Variants in TSNARE1 observed in about 807,000 individuals in gnomAD.
TSNARE1 encodes t-SNARE domain containing 1, also known as t-SNARE domain-containing protein 1.
In TSNARE1, 49 loss-of-function variants were observed where a neutral mutation model predicts 62.0. The ratio of observed to expected loss-of-function variants is 0.79; its 90% CI spans 0.63 to 1.00. TSNARE1 has a LOEUF of 1.00. Among genes scored for constraint, TSNARE1 ranks in the 50% least tolerant of loss-of-function variants. TSNARE1 has a pLI of 0.00. For synonymous variants in TSNARE1, 328 were observed against 294.4 expected (o/e 1.11, Z -1.17); for missense variants, 755 against 700.1 (o/e 1.08, Z -0.88).
chr8:142,373,050 C>G (rs1587060610), intron 1 of TSNARE1, among the ~76,000 whole-genome samples: 1 of 152,214 alleles, frequency 6.6e-6, no homozygotes, highest in Non-Finnish European at 1.5e-5. Context: ...TCCTAGGCCT[C>G]CCCCGTCACC....
In TSNARE1 at chr8:142,400,727, G is replaced by C. The variant is rs192972005; in HGVS notation, c.-40+2377C>G. ...TGTTCTTATGGCCAAACACCACTCA[G>C]AGGGATAAAACGCCCAACAACCTCG... is the stretch of plus-strand genomic sequence containing the variant. On this transcript the variant is annotated intron_variant, in intron 1 of 13. Transcript: ENST00000524325. Among the ~76,000 whole-genome samples, 24 of 152,328 alleles carry C rather than the reference G, an allele frequency of 1.6e-4. 1 individual carries two copies. Among genetic ancestry groups the C allele is most frequent in the Admixed American group, 1.2e-3 (19 of 15,296 alleles).
intron 6 of TSNARE1, among the ~76,000 whole-genome samples, chr8:142,323,704 A>G (rs182797962): frequency 6.6e-6 from 1 of 152,352 alleles, no homozygotes; most frequent in East Asian, 1.9e-4. Context: ...ACACTGTCAG[A>G]GCCAGGGAGT....
In TSNARE1 at chr8:142,279,603, G is replaced by A. The variant is rs939340190; in HGVS notation, c.1364-4740C>T. ...GATGGCACAATGCTTGGCAATGCAG[G>A]GAGGACCCTGAGCTGGAACCGCAGC... On this transcript the variant is annotated intron_variant, in intron 11 of 13. Coordinates refer to ENST00000524325, the MANE Select transcript of TSNARE1 (RefSeq NM_145003.5). Among the ~76,000 whole-genome samples the A allele has an allele frequency of 7.9e-5, 12 of 152,200 alleles. No homozygotes were observed. In the South Asian group the frequency reaches 8.3e-4, roughly 11 times the overall value.
In TSNARE1 at chr8:142,306,790, C is replaced by T. The variant is rs1016258830; in HGVS notation, c.1132-6146G>A. On this transcript the variant is annotated intron_variant, in intron 9 of 13. Transcript: ENST00000524325. ...AACCTTCCATGATTTCTCAGAAGCACTACTGGCCACTCCCCACCTTTTTAA... is the reference window on the plus strand; with the variant it reads ...AACCTTCCATGATTTCTCAGAAGCATTACTGGCCACTCCCCACCTTTTTAA... Among the ~76,000 whole-genome samples the T allele has an allele frequency of 7.9e-5, 12 of 152,350 alleles. No homozygotes were observed. In the South Asian group the frequency reaches 1.4e-3, roughly 18 times the overall value.
intron 1 of TSNARE1, among the ~76,000 whole-genome samples, chr8:142,401,632 G>A (rs1329021476): frequency 1.3e-5 from 2 of 152,166 alleles, no homozygotes; most frequent in Admixed American, 1.3e-4. Flanking sequence ...AGTGTCCAGG[G>A]AAGGTTCCTG....
At chr8:142,341,002 C>T (rs1020730471) in intron 4 of TSNARE1, among the ~76,000 whole-genome samples, 4 of 152,208 alleles carry the variant, frequency 2.6e-5, no homozygotes, top group East Asian at 1.9e-4. Flanking sequence ...AAGTCAAAGA[C>T]GAGGTATGCA....
At chr8:142,333,027 A>C (rs1313396168) in intron 4 of TSNARE1, among the ~76,000 whole-genome samples, 1 of 152,224 alleles carries the variant, frequency 6.6e-6, no homozygotes, top group Non-Finnish European at 1.5e-5. Flanking sequence ...TTCAGAAACC[A>C]GAGCGAACGG....
Position 142,331,803 on chromosome 8 carries a change from C to CTG in TSNARE1, c.772_773dup (p.Gln258HisfsTer19). 6.2e-7 allele frequency: 1 copy of CTG among 1,608,982 alleles called. No homozygotes were observed. ...TGGCCGACATCTCCTGGAACAGCTC[C>CTG]TGGAGGTTGCACGGATCGACCTGGG... On this transcript the variant is annotated frameshift_variant, in exon 5 of 14. Transcript: ENST00000524325. LOFTEE classifies it high-confidence loss of function.
At chr8:142,213,341 G>A (rs1298610496) in intron 13 of TSNARE1, among the ~76,000 whole-genome samples, 1 of 147,296 alleles carries the variant, frequency 6.8e-6, no homozygotes, top group Non-Finnish European at 1.5e-5. Flanking sequence ...TGGGGAGCAG[G>A]CCACTTGCTC....
At chr8:142,235,982 G>C (rs932970463) in intron 12 of TSNARE1, among the ~76,000 whole-genome samples, 2 of 152,154 alleles carry the variant, frequency 1.3e-5, no homozygotes, top group Non-Finnish European at 2.9e-5. Context: ...AAGTCCCCCA[G>C]GGGAGACGGG....
chr8:142,292,693 A>C (rs1309516240), intron 10 of TSNARE1, among the ~76,000 whole-genome samples: 6 of 152,124 alleles, frequency 3.9e-5, no homozygotes, highest in African/African-American at 1.4e-4. Flanking sequence ...ACATGAAACA[A>C]ATCACAGGAA....
chr8:142,309,978 A>G (rs1364351522), intron 9 of TSNARE1, among the ~76,000 whole-genome samples: 2 of 152,014 alleles, frequency 1.3e-5, no homozygotes, highest in Non-Finnish European at 2.9e-5. Flanking sequence ...TCTAAAAAAA[A>G]AGTCTCCTCT....
At chr8:142,276,188 AG>A in intron 11 of TSNARE1, 1 of 985,464 alleles carries the variant, frequency 1.0e-6, no homozygotes. Flanking sequence ...AAGGAGCCAA[AG>A]CCCAGAGAGC....
chr8:142,382,731 G>A (rs1836857638), intron 1 of TSNARE1, among the ~76,000 whole-genome samples: 1 of 152,242 alleles, frequency 6.6e-6, no homozygotes, highest in Non-Finnish European at 1.5e-5. Context: ...TTCACCAGAG[G>A]CCAGCTTTCC....
At chr8:142,366,664 G>A (rs573786592) in intron 1 of TSNARE1, among the ~76,000 whole-genome samples, 55 of 152,214 alleles carry the variant, frequency 3.6e-4, no homozygotes, top group African/African-American at 1.2e-3. Context: ...CATCCTAAAC[G>A]AGCACCTTAT....
chr8:142,355,136 G>A (rs1834623522), intron 1 of TSNARE1, among the ~76,000 whole-genome samples: 1 of 152,230 alleles, frequency 6.6e-6, no homozygotes, highest in African/African-American at 2.4e-5. Flanking sequence ...CATGCAGGCA[G>A]GGCAGCATCC....
intron 12 of TSNARE1, among the ~76,000 whole-genome samples, chr8:142,260,246 T>C (rs907378131): frequency 6.6e-6 from 1 of 152,060 alleles, no homozygotes; most frequent in Non-Finnish European, 1.5e-5. Context: ...GTAGAAAAAG[T>C]CAAATCATGA....
intron 12 of TSNARE1, among the ~76,000 whole-genome samples, chr8:142,257,752 C>T (rs1818656225): frequency 6.6e-6 from 1 of 152,064 alleles, no homozygotes; most frequent in South Asian, 2.1e-4. Flanking sequence ...TACTCTTCCT[C>T]TACCCACCCT....
At chr8:142,376,005 C>G (rs3935615) in intron 1 of TSNARE1, among the ~76,000 whole-genome samples, 73,334 of 152,062 alleles carry the variant, frequency 0.48, 20,740 homozygotes, top group African/African-American at 0.78. Context: ...CTGTGCTGGA[C>G]ACTTCACAAG....
Sources: gnomAD v4.1 joint callset for allele counts (sites outside exome capture counted in the v4.1 genomes callset) on GRCh38, gnomAD v4.1.1 for gene constraint, MANE v1.5 for transcripts, NCBI Gene and HGNC (gene_info 2026-07-23, HGNC 2026-07-21) for gene names.